ZNF521: variants seen among roughly 807,000 people sequenced by gnomAD.
ZNF521 encodes the protein LYST-interacting protein 3.
In ZNF521, 14 loss-of-function variants were observed where a neutral mutation model predicts 105.5. The observed-to-expected ratio is 0.13, with a 90% confidence interval of 0.09 to 0.21. The LOEUF (loss-of-function observed/expected upper bound fraction) is 0.21, where lower values mean the gene tolerates loss of function less well. ZNF521 is among the 10% of genes least tolerant of loss of function. The pLI is 1.00. For synonymous variants in ZNF521, 635 were observed against 606.0 expected, an observed-to-expected ratio of 1.05 and a Z score of -0.70; for missense variants, 1,233 against 1,629.7, an observed-to-expected ratio of 0.76 and a Z score of 4.19.
chr18:25,296,811 T>C (rs564712894), intron 3 of ZNF521, among the ~76,000 whole-genome samples: 1 of 152,324 alleles, frequency 6.6e-6, no homozygotes, highest in East Asian at 1.9e-4. Flanking sequence ...TATCTCTCTA[T>C]ATTTTGCTGT....
chr18:25,291,273 C>T (rs1259201295), intron 3 of ZNF521, among the ~76,000 whole-genome samples: 1 of 152,062 alleles, frequency 6.6e-6, no homozygotes, highest in East Asian at 1.9e-4. Context: ...AAAATGTAAA[C>T]ATTAAAGTGA....
chr18:25,110,506 G>A (rs28634049), intron 5 of ZNF521, among the ~76,000 whole-genome samples: 178 of 152,092 alleles, frequency 1.2e-3, no homozygotes, highest in African/African-American at 4.0e-3. Context: ...TGGTGAAGCC[G>A]CAGGGTTATA....
intron 5 of ZNF521, among the ~76,000 whole-genome samples, chr18:25,112,281 A>T (rs947387283): frequency 6.6e-6 from 1 of 152,204 alleles, no homozygotes; most frequent in Non-Finnish European, 1.5e-5. Flanking sequence ...GGCCCGTGAC[A>T]AAGGGGCCTT....
At chr18:25,236,046 T>C (rs963228524) in intron 3 of ZNF521, among the ~76,000 whole-genome samples, 1 of 152,198 alleles carries the variant, frequency 6.6e-6, no homozygotes, top group Non-Finnish European at 1.5e-5. Flanking sequence ...AATAATCATT[T>C]TGAATTTTGT....
intron 4 of ZNF521, among the ~76,000 whole-genome samples, chr18:25,222,276 T>C (rs1300073455): frequency 6.6e-6 from 1 of 152,206 alleles, no homozygotes; most frequent in Non-Finnish European, 1.5e-5. Flanking sequence ...GCTTTCTAAA[T>C]ATCACTAAGA....
chr18:25,275,880 T>A (rs1165544768), intron 3 of ZNF521, among the ~76,000 whole-genome samples: 1 of 152,002 alleles, frequency 6.6e-6, no homozygotes, highest in African/African-American at 2.4e-5. Context: ...ATGAAGGCAG[T>A]GTGAGGGGAG....
intron 3 of ZNF521, among the ~76,000 whole-genome samples, chr18:25,300,590 TA>T (rs1000024948): frequency 7.8e-6 from 1 of 128,398 alleles, no homozygotes; most frequent in African/African-American, 4.2e-5. Flanking sequence ...CAAACTTAAA[TA>T]AAAAAGTCAC....
intron 4 of ZNF521, among the ~76,000 whole-genome samples, chr18:25,205,932 T>A (rs2036070740): frequency 6.6e-6 from 1 of 152,210 alleles, no homozygotes; most frequent in Non-Finnish European, 1.5e-5. Flanking sequence ...TCAATAAAAC[T>A]GATCCTGAAC....
chr18:25,147,778 T>G (rs2034971787), intron 5 of ZNF521, among the ~76,000 whole-genome samples: 1 of 152,242 alleles, frequency 6.6e-6, no homozygotes. Flanking sequence ...CAAATCCATC[T>G]TCAGATAACA....
intron 3 of ZNF521, among the ~76,000 whole-genome samples, chr18:25,267,809 C>T (rs928680192): frequency 1.3e-5 from 2 of 152,112 alleles, no homozygotes; most frequent in Non-Finnish European, 2.9e-5. Flanking sequence ...GTAGATAAAT[C>T]CATGAAAATG....
chr18:25,187,527 T>C (rs1165717184), intron 5 of ZNF521, among the ~76,000 whole-genome samples: 1 of 152,174 alleles, frequency 6.6e-6, no homozygotes, highest in African/African-American at 2.4e-5. Flanking sequence ...GCAGGCCCTT[T>C]TATCAACAAT....
At chr18:25,350,886 G>T in intron 2 of ZNF521, 21 bp downstream of exon 2, 4 of 1,547,678 alleles carry the variant, frequency 2.6e-6, no homozygotes, top group South Asian at 1.2e-5. Context: ...GGAAAGCGGG[G>T]AGCAGGGGGT....
chr18:25,138,329 A>G (rs903483044), intron 5 of ZNF521, among the ~76,000 whole-genome samples: 2 of 152,316 alleles, frequency 1.3e-5, no homozygotes, highest in Admixed American at 1.3e-4. Context: ...TTTGAGGTTC[A>G]AAATTTTGAA....
At chr18:25,221,699 T>C (rs1905737938) in intron 4 of ZNF521, among the ~76,000 whole-genome samples, 1 of 152,216 alleles carries the variant, frequency 6.6e-6, no homozygotes, top group African/African-American at 2.4e-5. Flanking sequence ...ATGATACACC[T>C]GTCTTTTGAC....
intron 2 of ZNF521, among the ~76,000 whole-genome samples, chr18:25,349,696 C>A (rs1002757996): frequency 2.6e-5 from 4 of 151,640 alleles, no homozygotes; most frequent in Admixed American, 6.6e-5. Flanking sequence ...CCACGGGGCG[C>A]CGCGGCCCGG....
chr18:25,101,333 G>T (rs553194907), intron 5 of ZNF521, among the ~76,000 whole-genome samples: 2 of 152,182 alleles, frequency 1.3e-5, no homozygotes, highest in Non-Finnish European at 2.9e-5. Flanking sequence ...GCATGGAAGT[G>T]GGTATCCTAG....
chr18:25,212,849 G>T (rs1302520653), intron 4 of ZNF521, among the ~76,000 whole-genome samples: 1 of 150,434 alleles, frequency 6.6e-6, no homozygotes. Context: ...TATTTTCTGG[G>T]TTTTGCTAGT....
chr18:25,136,153 T>A (rs188123971), intron 5 of ZNF521, among the ~76,000 whole-genome samples: 38 of 152,334 alleles, frequency 2.5e-4, no homozygotes, highest in African/African-American at 8.2e-4. Flanking sequence ...TTTCTTCTTC[T>A]GGATATACAG....
At chr18:25,338,032 C>T (rs1913986451) in intron 2 of ZNF521, among the ~76,000 whole-genome samples, 1 of 152,156 alleles carries the variant, frequency 6.6e-6, no homozygotes, top group Non-Finnish European at 1.5e-5. Flanking sequence ...AAAACACTCA[C>T]ATATATACAT....
Sources: allele counts gnomAD v4.1 joint callset (sites outside exome capture counted in the v4.1 genomes callset), GRCh38; gene constraint gnomAD v4.1.1; transcripts MANE v1.5; gene names NCBI Gene and HGNC (gene_info 2026-07-23, HGNC 2026-07-21).